MARCHF6: variants seen among roughly 807,000 people sequenced by gnomAD.
MARCHF6 encodes membrane associated ring-CH-type finger 6.
MARCHF6 carries 31 observed loss-of-function variants against 133.7 expected under a neutral mutation model. That is an observed-to-expected ratio of 0.23 (90% CI 0.17 to 0.31). MARCHF6 has a LOEUF of 0.31. MARCHF6 is among the 10% of genes least tolerant of loss of function. The probability of loss-of-function intolerance (pLI) is 1.00; values close to 1 mark genes in which losing one functional copy is unlikely to be tolerated. For missense variants in MARCHF6, 723 were observed against 1,121.6 expected (o/e 0.64, Z 5.08); for synonymous variants, 395 against 402.5 (o/e 0.98, Z 0.22).
At chr5:10,422,000 C>T (rs1301923219) in intron 22 of MARCHF6, 1 of 152,228 alleles carries the variant, frequency 6.6e-6, no homozygotes, top group Admixed American at 6.5e-5. Context: ...GACAGCACTG[C>T]TTGCAGAGCC....
intron 21 of MARCHF6, 57 bp downstream of exon 21, chr5:10,415,726 C>T: frequency 4.2e-6 from 6 of 1,434,694 alleles, no homozygotes; most frequent in Non-Finnish European, 4.7e-6. Flanking sequence ...AATATTTTTC[C>T]AGTCATCTTA....
chr5:10,368,209 A>G (rs186405712), intron 1 of MARCHF6, among the ~76,000 whole-genome samples: 6 of 152,318 alleles, frequency 3.9e-5, no homozygotes, highest in African/African-American at 1.4e-4. Context: ...TTGACTTTGT[A>G]TGTTTGTAAT....
intron 25 of MARCHF6, among the ~76,000 whole-genome samples, 168 bp from the exon 26 acceptor site, chr5:10,433,426 C>G (rs1000183395): frequency 5.9e-5 from 9 of 152,208 alleles, no homozygotes; most frequent in Non-Finnish European, 1.0e-4. Context: ...TTCCTACAAA[C>G]CCATACCTAG....
At position 10,414,598 on chromosome 5, in the gene MARCHF6, A is replaced by G. The variant is rs190317302; in HGVS notation, c.1966+96A>G. On this transcript the variant is annotated intron_variant, in intron 20 of 25. Coordinates refer to ENST00000274140, the MANE Select transcript of MARCHF6 (RefSeq NM_005885.4). ...TGCTCTGTTCCCCAGTCTGGAGGGTAGTAGTATGATCATAGCTTACTGCAG... is the reference window on the plus strand; with the variant it reads ...TGCTCTGTTCCCCAGTCTGGAGGGTGGTAGTATGATCATAGCTTACTGCAG... 5.1e-6 allele frequency: 5 copies of G among 988,550 alleles called. No homozygotes were observed. In the Admixed American group the frequency reaches 8.0e-5, roughly 16 times the overall value. The allele number at this position is 988,550 out of a possible 1,614,324, so 61.2% of individuals were successfully genotyped here.
At chr5:10,432,243 C>T (rs772230936) in intron 25 of MARCHF6, among the ~76,000 whole-genome samples, 5 of 152,178 alleles carry the variant, frequency 3.3e-5, no homozygotes, top group African/African-American at 7.2e-5. Context: ...CCTTTGTCAC[C>T]GGGCTGCATA....
At chr5:10,405,126 C>A (rs1339998788) in intron 15 of MARCHF6, among the ~76,000 whole-genome samples, 1 of 152,150 alleles carries the variant, frequency 6.6e-6, no homozygotes, top group Non-Finnish European at 1.5e-5. Context: ...AGAACTAGTA[C>A]CCAGACTCCT....
chr5:10,355,671 C>CTT (rs1207158836), intron 1 of MARCHF6, among the ~76,000 whole-genome samples: 1 of 152,172 alleles, frequency 6.6e-6, no homozygotes, highest in Non-Finnish European at 1.5e-5. Context: ...TTACTAAACA[C>CTT]TTTATATACA....
chr5:10,405,491 G>A (rs1205112164), intron 15 of MARCHF6, 67 bp from the exon 16 acceptor site: 5 of 1,345,192 alleles, frequency 3.7e-6, no homozygotes. Flanking sequence ...TTCTGTTAAT[G>A]TTTTAGCTCA....
chr5:10,425,662 C>T (rs1740045139), intron 23 of MARCHF6, among the ~76,000 whole-genome samples: 1 of 152,184 alleles, frequency 6.6e-6, no homozygotes, highest in Non-Finnish European at 1.5e-5. Flanking sequence ...TACATTCAGT[C>T]ACAGCTAAGA....
chr5:10,386,150 T>C (rs1737462166), intron 4 of MARCHF6, among the ~76,000 whole-genome samples: 1 of 152,194 alleles, frequency 6.6e-6, no homozygotes, highest in Admixed American at 6.5e-5. Flanking sequence ...CTTGTCTGAG[T>C]ATTTTATAAA....
intron 1 of MARCHF6, among the ~76,000 whole-genome samples, chr5:10,368,706 A>C (rs2126665674): frequency 6.6e-6 from 1 of 152,140 alleles, no homozygotes; most frequent in South Asian, 2.1e-4. Context: ...CTGCCTCGCA[A>C]GTAGCTGGTA....
intron 6 of MARCHF6, among the ~76,000 whole-genome samples, chr5:10,391,191 G>C (rs1386613775): frequency 6.6e-6 from 1 of 152,260 alleles, no homozygotes; most frequent in Non-Finnish European, 1.5e-5. Context: ...GGAGGGCAGT[G>C]GCATGATCAC....
intron 24 of MARCHF6, among the ~76,000 whole-genome samples, chr5:10,426,875 GA>G (rs1740114575): frequency 6.6e-6 from 1 of 152,164 alleles, no homozygotes. Context: ...AAGTTTTAAA[GA>G]AATATTCTTT....
chr5:10,409,722 A>G (rs1739110838), intron 17 of MARCHF6, among the ~76,000 whole-genome samples: 1 of 152,166 alleles, frequency 6.6e-6, no homozygotes, highest in African/African-American at 2.4e-5. Flanking sequence ...AGCTGGGAGG[A>G]TAATGCAATG....
chr5:10,436,051 T>A lies in MARCHF6; in HGVS notation c.*2367T>A, dbSNP rs1427271956. On this transcript the variant is annotated 3_prime_UTR_variant, in exon 26 of 26. Coordinates refer to ENST00000274140, the MANE Select transcript of MARCHF6 (RefSeq NM_005885.4). Reference sequence around the variant, plus strand: ...TATATTAATTTTGGGTTTTTTGTTTTGTTTTGTTTTGTTTTTTAATTTTTC... The same window carrying A: ...TATATTAATTTTGGGTTTTTTGTTTAGTTTTGTTTTGTTTTTTAATTTTTC... 2 of 152,310 alleles carry A rather than the reference T, an allele frequency of 1.3e-5. No individual in the cohort carries two copies. The highest frequency in any genetic ancestry group is 2.9e-5 in the Non-Finnish European group (2 of 68,306). 9.4% of individuals were successfully genotyped at this position (152,310 alleles called of 1,614,324 possible).
intron 7 of MARCHF6, 72 bp from the exon 8 acceptor site, chr5:10,394,010 A>T: frequency 1.2e-6 from 1 of 864,022 alleles, no homozygotes; most frequent in Non-Finnish European, 1.7e-6. Context: ...TACTATTTTT[A>T]GTGCATTCTA....
At chr5:10,361,656 C>T (rs1311448546) in intron 1 of MARCHF6, among the ~76,000 whole-genome samples, 3 of 152,164 alleles carry the variant, frequency 2.0e-5, no homozygotes, top group African/African-American at 4.8e-5. Context: ...ACGTGAATTA[C>T]GGGGGGAGGG....
At chr5:10,431,177 T>TA (rs1207880417) in intron 25 of MARCHF6, among the ~76,000 whole-genome samples, 3 of 152,146 alleles carry the variant, frequency 2.0e-5, no homozygotes, top group Non-Finnish European at 4.4e-5. Flanking sequence ...TTACTGACAG[T>TA]AAAAAATACA....
chr5:10,411,120 T>C (rs1272363070), intron 18 of MARCHF6, among the ~76,000 whole-genome samples: 2 of 152,218 alleles, frequency 1.3e-5, no homozygotes, highest in Admixed American at 6.5e-5. Context: ...ATAGGTTGAA[T>C]TTATGGGATA....
Sources: gnomAD v4.1 joint callset for allele counts (sites outside exome capture counted in the v4.1 genomes callset) on GRCh38, gnomAD v4.1.1 for gene constraint, MANE v1.5 for transcripts, NCBI Gene and HGNC (gene_info 2026-07-23, HGNC 2026-07-21) for gene names.